ZSCAN31: variants seen among roughly 807,000 people sequenced by gnomAD.
The protein encoded by ZSCAN31 is zinc finger and SCAN domain-containing protein 31.
A neutral mutation model predicts 22.5 loss-of-function variants in ZSCAN31; 14 were observed. The ratio of observed to expected loss-of-function variants is 0.62; its 90% confidence interval spans 0.41 to 0.97. The LOEUF (loss-of-function observed/expected upper bound fraction) is 0.97. ZSCAN31 is among the 50% of genes least tolerant of loss of function. The pLI, the probability that ZSCAN31 is intolerant of heterozygous loss-of-function variation, is 0.00. For synonymous variants in ZSCAN31, 168 were observed against 169.8 expected, an observed-to-expected ratio of 0.99 and a Z score of 0.08; for missense variants, 424 against 483.4, an observed-to-expected ratio of 0.88 and a Z score of 1.15.
At chr6:28,330,547 T>G (rs1056991770) in intron 1 of ZSCAN31, among the ~76,000 whole-genome samples, 2 of 152,198 alleles carry the variant, frequency 1.3e-5, no homozygotes, top group African/African-American at 4.8e-5. Flanking sequence ...GAGCATTTCA[T>G]ATTTCAGATT....
chr6:28,325,368 G>A lies in ZSCAN31; in HGVS notation c.*798C>T, dbSNP rs1311969213. The A allele has an allele frequency of 6.6e-6, 1 of 152,126 alleles. No homozygotes were observed. Among genetic ancestry groups the A allele is most frequent in the Admixed American group, 6.5e-5 (1 of 15,276 alleles). 9.4% of individuals were successfully genotyped at this position (152,126 alleles called of 1,614,324 possible). ...TTACTTATTATTTGTAACAAAAATGGAAAACTTACAGTAATGACCTGCATT... is the reference window on the plus strand; with the variant it reads ...TTACTTATTATTTGTAACAAAAATGAAAAACTTACAGTAATGACCTGCATT... On this transcript the variant is annotated 3_prime_UTR_variant, in exon 4 of 4. Coordinates refer to ENST00000344279, the MANE Select transcript of ZSCAN31 (RefSeq NM_030899.5).
chr6:28,340,681 T>C (rs1291349026), upstream of ZSCAN31, among the ~76,000 whole-genome samples: 1 of 152,238 alleles, frequency 6.6e-6, no homozygotes, highest in Non-Finnish European at 1.5e-5. Flanking sequence ...AGTATTCTTA[T>C]ATATTTTACT....
intron 3 of ZSCAN31, 128 bp from the exon 4 acceptor site, chr6:28,326,982 G>T: frequency 1.0e-6 from 1 of 983,892 alleles, no homozygotes; most frequent in Non-Finnish European, 1.5e-6. Flanking sequence ...CAGTTAAGGA[G>T]CAGGTTGGGT....
intron 2 of ZSCAN31, among the ~76,000 whole-genome samples, chr6:28,342,151 G>C (rs185588589): frequency 6.6e-6 from 1 of 152,286 alleles, no homozygotes; most frequent in East Asian, 1.9e-4. Context: ...CTGAGGATCA[G>C]GCCTGGGGCT....
Position 28,344,527 on chromosome 6 carries a change from T to C in ZSCAN31, c.-370-2735A>G, listed in dbSNP as rs561874777. Among the ~76,000 whole-genome samples the C allele has an allele frequency of 3.3e-5, 5 of 152,214 alleles. No homozygotes were observed. In the East Asian group the frequency reaches 9.7e-4, roughly 29 times the overall value. ...GAGCTCATCCCTGTGACTATCTGAG[T>C]GTGTGATAGTTGTGATTGGTGGAGG... On this transcript the variant is annotated intron_variant, in intron 2 of 7. Coordinates refer to the ZSCAN31 transcript ENST00000396838.
upstream of ZSCAN31, among the ~76,000 whole-genome samples, chr6:28,354,969 A>C (rs1765325590): frequency 6.6e-6 from 1 of 152,212 alleles, no homozygotes; most frequent in African/African-American, 2.4e-5. Context: ...TCAGTTTATT[A>C]GCTACTTTGT....
upstream of ZSCAN31, among the ~76,000 whole-genome samples, chr6:28,340,893 G>A (rs905134254): frequency 7.2e-5 from 11 of 152,100 alleles, no homozygotes; most frequent in African/African-American, 2.7e-4. Flanking sequence ...TTTTTCTTTA[G>A]GGTTTGGTTT....
At position 28,349,197 on chromosome 6, in the gene ZSCAN31, T is replaced by C. The variant is rs578114584; in HGVS notation, c.-371+4665A>G. ...TAGGTGTATATATATGTCTCATATA[T>C]ATAGGTGTATATATATGTCTCATAT... is the stretch of plus-strand genomic sequence containing the variant. On this transcript the variant is annotated intron_variant, in intron 2 of 7. Transcript: ENST00000396838. This position sits in a 1 kb window ranked among gnomAD's most constrained non-coding sequence, Gnocchi z 4.1. Among the ~76,000 whole-genome samples, 9 of 141,350 alleles carry C rather than the reference T, an allele frequency of 6.4e-5. No homozygotes were observed. The highest frequency in any genetic ancestry group is 1.4e-4 in the African/African-American group (5 of 36,532). 92.7% of individuals were successfully genotyped at this position (141,350 alleles called of 152,430 possible).
chr6:28,342,865 T>C (rs889294904), intron 2 of ZSCAN31, among the ~76,000 whole-genome samples: 1 of 152,252 alleles, frequency 6.6e-6, no homozygotes, highest in African/African-American at 2.4e-5. Flanking sequence ...CATGTAGCAC[T>C]AAACCAAATA....
At chr6:28,346,648 C>T (rs1211734220) in intron 2 of ZSCAN31, among the ~76,000 whole-genome samples, 8 of 152,086 alleles carry the variant, frequency 5.3e-5, no homozygotes, top group Admixed American at 5.2e-4. Flanking sequence ...TGAGGCACGG[C>T]ACTCAGCCTC....
At position 28,326,302 on chromosome 6, in the gene ZSCAN31, T is replaced by G; in HGVS notation, c.1085A>C (p.Gln362Pro). 6.2e-7 allele frequency: 1 copy of G among 1,614,232 alleles called. No individual in the cohort carries two copies. ...GAGATGCTGGAAAAGCCCTGCATTC[T>G]GAATGAAGGCTTTGCCACACTCACG... ...QCRECGKAFI[Q>P]NAGLFQHLRV... The change falls in exon 4 of 4, where the codon CAG (glutamine) becomes CCG (proline). Residue 362 changes from glutamine to proline, a missense_variant. By Grantham distance (76) the Gln-to-Pro change is moderately conservative. Transcript: ENST00000344279.
At chr6:28,340,552 G>A (rs182592533), upstream of ZSCAN31, among the ~76,000 whole-genome samples, 124 of 152,258 alleles carry the variant, frequency 8.1e-4, no homozygotes, top group African/African-American at 2.4e-3. Flanking sequence ...TAAGTTTCCT[G>A]AGGTCTCCCC....
intron 2 of ZSCAN31, among the ~76,000 whole-genome samples, chr6:28,346,087 TAGA>T (rs1414904607): frequency 1.3e-5 from 2 of 152,116 alleles, no homozygotes; most frequent in African/African-American, 2.4e-5. Flanking sequence ...TCTTTATTCC[TAGA>T]AGAACACTTT....
intron 1 of ZSCAN31, among the ~76,000 whole-genome samples, chr6:28,330,869 T>C (rs1222266169): frequency 3.3e-5 from 5 of 152,116 alleles, no homozygotes; most frequent in Non-Finnish European, 7.3e-5. Flanking sequence ...TAGGGGAAAG[T>C]ACACTTGAAT....
In ZSCAN31 at chr6:28,326,114, A is replaced by G; in HGVS notation, c.*52T>C. On this transcript the variant is annotated 3_prime_UTR_variant, in exon 4 of 4. Transcript: ENST00000344279. ...CTGCTGGAACAGTATGGATTCTAAAATGCCTAATAAGGTTGCAATGATGAC... is the reference window on the plus strand; with the variant it reads ...CTGCTGGAACAGTATGGATTCTAAAGTGCCTAATAAGGTTGCAATGATGAC... The G allele has an allele frequency of 6.7e-7, 1 of 1,493,094 alleles. No homozygotes were observed. Among genetic ancestry groups the G allele is most frequent in the Non-Finnish European group, 9.1e-7 (1 of 1,103,174 alleles). 92.5% of individuals were successfully genotyped at this position (1,493,094 alleles called of 1,614,324 possible). A position where few individuals can be genotyped will look rare whatever the true frequency, so the allele number is the denominator to read the frequency against.
chr6:28,348,988 G>C (rs1449668178), intron 2 of ZSCAN31, among the ~76,000 whole-genome samples: 1 of 136,600 alleles, frequency 7.3e-6, no homozygotes, highest in Non-Finnish European at 1.6e-5. Context: ...ATATACATAG[G>C]TGTATATACA....
At position 28,325,918 on chromosome 6, in the gene ZSCAN31, C is replaced by G. The variant is rs1309764892; in HGVS notation, c.*248G>C. On this transcript the variant is annotated 3_prime_UTR_variant, in exon 4 of 4. Transcript: ENST00000344279. ...AGGGAATAAGAAGGCCACCCAGCAA[C>G]CCCCTACAATCACAGTCATCCACAC... 4 of 350,150 alleles carry G rather than the reference C, an allele frequency of 1.1e-5. No homozygotes were observed. Among genetic ancestry groups the G allele is most frequent in the Non-Finnish European group, 2.1e-5 (4 of 191,808 alleles). The allele number at this position is 350,150 out of a possible 1,614,324, so 21.7% of individuals were successfully genotyped here.
chr6:28,353,977 T>C, intron 1 of ZSCAN31: 1 of 454,696 alleles, frequency 2.2e-6, no homozygotes, highest in South Asian at 1.6e-5. Flanking sequence ...AATATGATTT[T>C]ATTCAGCAGC....
At chr6:28,342,103 A>G (rs1764437168) in intron 2 of ZSCAN31, among the ~76,000 whole-genome samples, 1 of 152,236 alleles carries the variant, frequency 6.6e-6, no homozygotes, top group Non-Finnish European at 1.5e-5. Flanking sequence ...CCCTGACACC[A>G]TATAAAGAGT....
Sources: allele counts gnomAD v4.1 joint callset (sites outside exome capture counted in the v4.1 genomes callset), GRCh38; gene constraint gnomAD v4.1.1; non-coding constraint Gnocchi (gnomAD v3.1); transcripts MANE v1.5; gene names NCBI Gene and HGNC (gene_info 2026-07-23, HGNC 2026-07-21).